The following EIF2AK1 variants were observed in gnomAD, a reference collection of about 807,000 sequenced individuals.
EIF2AK1 encodes eukaryotic translation initiation factor 2-alpha kinase 1.
EIF2AK1 carries 54 observed loss-of-function variants against 77.9 expected under a neutral mutation model. That is an observed-to-expected ratio of 0.69 (90% confidence interval 0.56 to 0.87). The LOEUF (loss-of-function observed/expected upper bound fraction) is 0.87, where lower values mean the gene tolerates loss of function less well. EIF2AK1 is among the 40% of genes least tolerant of loss of function. The probability of loss-of-function intolerance (pLI) is 0.00; values close to 1 mark genes in which losing one functional copy is unlikely to be tolerated. For synonymous variants in EIF2AK1, 314 were observed against 290.5 expected (o/e 1.08, Z -0.82); for missense variants, 810 against 768.6 (o/e 1.05, Z -0.64).
Position 6,034,139 on chromosome 7 carries a change from T to C in EIF2AK1, c.1332+3285A>G, listed in dbSNP as rs1385761570. ...GAGACCAGCCTGGTGAAACCTCATC[T>C]CTACTAAAAATACAAAAACTAGCCA... On this transcript the variant is annotated intron_variant, in intron 11 of 14. Coordinates refer to ENST00000199389, the MANE Select transcript of EIF2AK1 (RefSeq NM_014413.4). Among the ~76,000 whole-genome samples, 16 of 151,256 alleles carry C rather than the reference T, an allele frequency of 1.1e-4. 1 individual carries two copies. The highest frequency in any genetic ancestry group is 1.5e-5 in the Non-Finnish European group (1 of 67,836).
intron 11 of EIF2AK1, 147 bp downstream of exon 11, chr7:6,037,277 T>C (rs1788135529): frequency 1.6e-6 from 1 of 629,584 alleles, no homozygotes; most frequent in South Asian, 2.2e-5. Flanking sequence ...TCTGGATCTA[T>C]CGAACAATGA....
intron 2 of EIF2AK1, 145 bp downstream of exon 2, chr7:6,054,401 G>T: frequency 3.7e-6 from 3 of 800,166 alleles, no homozygotes; most frequent in Non-Finnish European, 5.8e-6. Context: ...AGGGGGTTTC[G>T]TCATGTTAGC....
At position 6,058,982 on chromosome 7, in the gene EIF2AK1, C is replaced by A; in HGVS notation, c.102G>T (p.Pro34=). Residue 34 remains proline, a synonymous_variant, in exon 1 of 15, where the codon CCG becomes CCT. Transcript: ENST00000199389. ...ATCCCTCACCGTCATATTCGGGGTCCGGGCCCTCGGCGGGAAAGTCGATGG... is the reference window on the plus strand; with the variant it reads ...ATCCCTCACCGTCATATTCGGGGTCAGGGCCCTCGGCGGGAAAGTCGATGG... The part of the protein sequence containing the change: ...PPAIDFPAEG[P]DPEYDESDVP... 6.5e-7 allele frequency: 1 copy of A among 1,540,476 alleles called. No homozygotes were observed. Among genetic ancestry groups the A allele is most frequent in the South Asian group, 1.2e-5 (1 of 82,440 alleles).
Position 6,028,613 on chromosome 7 carries a change from A to G in EIF2AK1, c.1530+2T>C. ...GAAAGGGCAGAAAGCAACAAATACT[A>G]CCTTGGCATCATACTCAGATCCTTC... On this transcript the variant is annotated splice_donor_variant, in intron 13 of 14. Coordinates refer to ENST00000199389, the MANE Select transcript of EIF2AK1 (RefSeq NM_014413.4). LOFTEE classifies it high-confidence loss of function. The G allele has an allele frequency of 6.2e-7, 1 of 1,613,966 alleles. No individual in the cohort carries two copies.
At chr7:6,044,971 A>G (rs182324639) in intron 6 of EIF2AK1, among the ~76,000 whole-genome samples, 167 of 152,334 alleles carry the variant, frequency 1.1e-3, no homozygotes, top group African/African-American at 3.6e-3. Context: ...GGTTATGCAT[A>G]TTAAAATGCA....
At chr7:6,043,786 A>C (rs964183366) in intron 7 of EIF2AK1, among the ~76,000 whole-genome samples, 1 of 152,026 alleles carries the variant, frequency 6.6e-6, no homozygotes, top group Admixed American at 6.6e-5. Flanking sequence ...CTGTGTTCTA[A>C]TAAATTTTAT....
intron 4 of EIF2AK1, chr7:6,047,361 G>C (rs1788476313): frequency 2.0e-6 from 1 of 492,048 alleles, no homozygotes; most frequent in African/African-American, 2.0e-5. Flanking sequence ...CAGTTGGTTA[G>C]CTAAGCTCAG....
rs34880026 is a variant in EIF2AK1 at position 6,032,718 on chromosome 7, G to T, written c.1333-3686C>A. On this transcript the variant is annotated intron_variant, in intron 11 of 14. Coordinates refer to ENST00000199389, the MANE Select transcript of EIF2AK1 (RefSeq NM_014413.4). The surrounding 1 kb of genome is among the most constrained non-coding windows in gnomAD (Gnocchi z 4.3). ...AAGGAAACTTTCAATGCACATACCA[G>T]AAAAAGAGTGAGCCAATGAGACACT... 1.4e-6 allele frequency: 1 copy of T among 737,282 alleles called. No individual in the cohort carries two copies. The highest frequency in any genetic ancestry group is 2.2e-6 in the Non-Finnish European group (1 of 459,794). The allele number at this position is 737,282 out of a possible 1,614,324, so 45.7% of individuals were successfully genotyped here.
chr7:6,024,932 C>G (rs1037561079), intron 14 of EIF2AK1, 131 bp from the exon 15 acceptor site: 5 of 606,754 alleles, frequency 8.2e-6, no homozygotes, highest in Non-Finnish European at 1.3e-5. Context: ...TGTGCCTCCC[C>G]AGTTCAAGCT....
At chr7:6,029,839 C>T (rs1311128718) in intron 11 of EIF2AK1, among the ~76,000 whole-genome samples, 4 of 151,848 alleles carry the variant, frequency 2.6e-5, no homozygotes, top group African/African-American at 9.7e-5. Flanking sequence ...AAAAATTAGC[C>T]AGGTGTGGTG....
At chr7:6,044,820 A>G (rs1265673522) in intron 6 of EIF2AK1, among the ~76,000 whole-genome samples, 159 bp from the exon 7 acceptor site, 2 of 152,192 alleles carry the variant, frequency 1.3e-5, no homozygotes, top group Non-Finnish European at 2.9e-5. Flanking sequence ...TCTTTTCTCC[A>G]GCTTGCAGTA....
intron 4 of EIF2AK1, 65 bp from the exon 5 acceptor site, chr7:6,047,156 C>A: frequency 1.4e-6 from 2 of 1,462,206 alleles, no homozygotes; most frequent in Non-Finnish European, 1.9e-6. Context: ...TAGGATACCT[C>A]ATGCTCACAG....
chr7:6,052,128 C>G (rs113451138), intron 2 of EIF2AK1, among the ~76,000 whole-genome samples: 2,132 of 144,882 alleles, frequency 0.015, 57 homozygotes, highest in African/African-American at 0.053. Context: ...GCCGAGATCG[C>G]ACTACCGCAC....
chr7:6,027,145 G>T lies in EIF2AK1; in HGVS notation c.1531-184C>A, dbSNP rs920751472. On this transcript the variant is annotated intron_variant, in intron 13 of 14. Coordinates refer to ENST00000199389, the MANE Select transcript of EIF2AK1 (RefSeq NM_014413.4). The surrounding 1 kb of genome is among the most constrained non-coding windows in gnomAD (Gnocchi z 4.5). Reference sequence around the variant, plus strand: ...CAGGGACTTTCACAACCTCAAAAAGGGGCATCCGTGGGCACGCAGAATGGA... The same window carrying T: ...CAGGGACTTTCACAACCTCAAAAAGTGGCATCCGTGGGCACGCAGAATGGA... 6.6e-6 allele frequency among the ~76,000 whole-genome samples: 1 copy of T among 152,124 alleles called. No homozygotes were observed. The highest frequency in any genetic ancestry group is 2.4e-5 in the African/African-American group (1 of 41,430).
Position 6,023,542 on chromosome 7 carries a change from A to G in EIF2AK1, c.*1131T>C. On this transcript the variant is annotated 3_prime_UTR_variant, in exon 15 of 15. Coordinates refer to ENST00000199389, the MANE Select transcript of EIF2AK1 (RefSeq NM_014413.4). ...TGGGAAGAGCCCTTGGCTCGCTGGG[A>G]ATGAACTCACCGTAGCAGACGTGGT... 1 of 1,614,196 alleles carries G rather than the reference A, an allele frequency of 6.2e-7. No homozygotes were observed. Among genetic ancestry groups the G allele is most frequent in the Non-Finnish European group, 8.5e-7 (1 of 1,180,040 alleles).
intron 2 of EIF2AK1, among the ~76,000 whole-genome samples, chr7:6,051,167 T>G (rs1338518703): frequency 1.3e-5 from 2 of 152,072 alleles, no homozygotes; most frequent in Admixed American, 1.3e-4. Context: ...TACACGTGTG[T>G]AAACCAAATA....
intron 14 of EIF2AK1, among the ~76,000 whole-genome samples, chr7:6,026,006 T>C (rs10252733): frequency 0.65 from 98,899 of 151,338 alleles, 32,479 homozygotes; most frequent in East Asian, 0.85. Flanking sequence ...AAAAAAAACA[T>C]GTACAGAGAC....
In EIF2AK1 at chr7:6,045,796, T is replaced by C. The variant is rs565356430; in HGVS notation, c.630+275A>G. On this transcript the variant is annotated intron_variant, in intron 6 of 14. Coordinates refer to ENST00000199389, the MANE Select transcript of EIF2AK1 (RefSeq NM_014413.4). ...GGCAGATGCCTGTAATCCCAGCTAC[T>C]TGGGAGGAAGGAGAATCCTTGAACC... 6.7e-5 allele frequency among the ~76,000 whole-genome samples: 10 copies of C among 149,940 alleles called. No individual in the cohort carries two copies. The South Asian group carries it at 2.1e-3, about 32-fold the overall frequency.
At chr7:6,046,443 T>G (rs1200321604) in intron 5 of EIF2AK1, 2 of 196,762 alleles carry the variant, frequency 1.0e-5, no homozygotes, top group South Asian at 1.9e-4. Context: ...ATTTTTTAAT[T>G]AAAATTAACT....
Sources: allele counts gnomAD v4.1 joint callset (sites outside exome capture counted in the v4.1 genomes callset), GRCh38; gene constraint gnomAD v4.1.1; non-coding constraint Gnocchi (gnomAD v3.1); transcripts MANE v1.5; gene names NCBI Gene and HGNC (gene_info 2026-07-23, HGNC 2026-07-21).